Variants in QSOX2 observed in about 807,000 individuals in gnomAD.
The protein encoded by QSOX2 is quiescin sulfhydryl oxidase 2.
Under a neutral mutation model 61.7 loss-of-function variants are expected in QSOX2, and 46 were observed. The observed-to-expected ratio is 0.75, with a 90% CI of 0.59 to 0.95. The LOEUF (loss-of-function observed/expected upper bound fraction) is 0.95. Among genes scored for constraint, QSOX2 ranks in the 40% least tolerant of loss-of-function variants. The pLI is 0.00. For missense variants in QSOX2, 879 were observed against 918.9 expected, an observed-to-expected ratio of 0.96 and a Z score of 0.56; for synonymous variants, 383 against 388.4, an observed-to-expected ratio of 0.99 and a Z score of 0.16.
intron 3 of QSOX2, 96 bp from the exon 4 acceptor site, chr9:136,224,208 C>A: frequency 2.2e-6 from 2 of 918,978 alleles, no homozygotes; most frequent in South Asian, 1.5e-5. Flanking sequence ...AGCCTGGGGC[C>A]CAAAGACAGC....
intron 10 of QSOX2, among the ~76,000 whole-genome samples, chr9:136,214,636 A>AC (rs552247771): frequency 1.3e-3 from 204 of 151,808 alleles, no homozygotes; most frequent in African/African-American, 3.0e-3. Context: ...GCCTTGGGTG[A>AC]CCCCCCAGGC....
chr9:136,245,579 G>C lies in QSOX2; in HGVS notation c.225C>G (p.Thr75=). 1 of 1,577,486 alleles carries C rather than the reference G, an allele frequency of 6.3e-7. No individual in the cohort carries two copies. Among genetic ancestry groups the C allele is most frequent in the Admixed American group, 1.7e-5 (1 of 58,228 alleles). ...CGAGCCACGCGGCCGAGCTGTTGGC[G>C]GTGGCCCCGCGCACGCTGCCGCTGT... ...VLDSGSVRGA[T]ANSSAAWLVQ... is the part of the protein sequence containing the mutation. The change falls in exon 1 of 12, where the codon ACC becomes ACG. Residue 75 remains threonine, a synonymous_variant. Coordinates refer to ENST00000358701, the MANE Select transcript of QSOX2 (RefSeq NM_181701.4).
chr9:136,241,614 C>CTGAGTGA (rs1830433974), intron 1 of QSOX2, among the ~76,000 whole-genome samples: 1 of 152,222 alleles, frequency 6.6e-6, no homozygotes, highest in African/African-American at 2.4e-5. Context: ...ACCTGGACAC[C>CTGAGTGA]CATCCCGGCC....
Position 136,207,126 on chromosome 9 carries a change from A to C in QSOX2, c.*1602T>G, listed in dbSNP as rs1438688384. ...ACGCACCAGACACCGCTCCCACCAG[A>C]CACCTCTCCCGCCAGCTGCAGGGCC... On this transcript the variant is annotated 3_prime_UTR_variant, in exon 12 of 12. Transcript: ENST00000358701. 1 of 152,170 alleles carries C rather than the reference A, an allele frequency of 6.6e-6. No individual in the cohort carries two copies. Among genetic ancestry groups the C allele is most frequent in the African/African-American group, 2.4e-5 (1 of 41,362 alleles). 9.4% of individuals were successfully genotyped at this position (152,170 alleles called of 1,614,324 possible).
intron 1 of QSOX2, among the ~76,000 whole-genome samples, chr9:136,231,282 C>G (rs1450421515): frequency 6.6e-6 from 1 of 152,200 alleles, no homozygotes; most frequent in South Asian, 2.1e-4. Context: ...GACCAGAATA[C>G]GCCCCCATCC....
At chr9:136,228,485 A>G (rs1047683965) in intron 1 of QSOX2, among the ~76,000 whole-genome samples, 3 of 152,208 alleles carry the variant, frequency 2.0e-5, no homozygotes, top group African/African-American at 4.8e-5. Context: ...CAATTCACAA[A>G]TATTTCCTGG....
intron 2 of QSOX2, 128 bp downstream of exon 2, chr9:136,226,646 G>A: frequency 1.3e-6 from 1 of 785,730 alleles, no homozygotes; most frequent in South Asian, 1.4e-5. Flanking sequence ...CAAGGAGAGA[G>A]CCAGAGAAGC....
chr9:136,223,719 A>G lies in QSOX2; in HGVS notation c.675+44T>C. On this transcript the variant is annotated intron_variant, in intron 5 of 11. Transcript: ENST00000358701. The surrounding 1 kb of genome is among the most constrained non-coding windows in gnomAD (Gnocchi z 4.4). ...TCATCACAGATCCACCGCCAACCCC[A>G]ATCACACCACGTGTGACACCTGGAG... 1 of 1,506,456 alleles carries G rather than the reference A, an allele frequency of 6.6e-7. No homozygotes were observed. The highest frequency in any genetic ancestry group is 9.2e-7 in the Non-Finnish European group (1 of 1,086,360). 93.3% of individuals were successfully genotyped at this position (1,506,456 alleles called of 1,614,324 possible). A position where few individuals can be genotyped will look rare whatever the true frequency, so the allele number is the denominator to read the frequency against.
Position 136,222,581 on chromosome 9 carries a change from C to G in QSOX2, c.676-640G>C, listed in dbSNP as rs981548220. 2.0e-5 allele frequency among the ~76,000 whole-genome samples: 3 copies of G among 152,232 alleles called. No individual in the cohort carries two copies. The highest frequency in any genetic ancestry group is 4.4e-5 in the Non-Finnish European group (3 of 68,046). On this transcript the variant is annotated intron_variant, in intron 5 of 11. Coordinates refer to ENST00000358701, the MANE Select transcript of QSOX2 (RefSeq NM_181701.4). This position sits in a 1 kb window ranked among gnomAD's most constrained non-coding sequence, Gnocchi z 6.9. ...GTGTGAACTGGGCGCCCCGCGTGGC[C>G]GTGCCTCTCCTGAGCTGGGTGTGTC...
rs182453955 is a variant in QSOX2 at position 136,207,566 on chromosome 9, C to T, written c.*1162G>A. 3 of 152,450 alleles carry T rather than the reference C, an allele frequency of 2.0e-5. No individual in the cohort carries two copies. The East Asian group carries it at 5.6e-4, about 29-fold the overall frequency. The allele number at this position is 152,450 out of a possible 1,614,324, so 9.4% of individuals were successfully genotyped here. Reference sequence around the variant, plus strand: ...CCACTAAATGTTTTGGGTTTAAAAACAATGTTTAAAATTATCAAATGGTAA... The same window carrying T: ...CCACTAAATGTTTTGGGTTTAAAAATAATGTTTAAAATTATCAAATGGTAA... On this transcript the variant is annotated 3_prime_UTR_variant, in exon 12 of 12. Transcript: ENST00000358701.
At chr9:136,239,772 G>A (rs1039000754) in intron 1 of QSOX2, among the ~76,000 whole-genome samples, 1 of 152,230 alleles carries the variant, frequency 6.6e-6, no homozygotes, top group Non-Finnish European at 1.5e-5. Flanking sequence ...AGAATGCCAG[G>A]CCGTGTGCTC....
At chr9:136,230,166 C>A (rs1830317711) in intron 1 of QSOX2, among the ~76,000 whole-genome samples, 1 of 152,222 alleles carries the variant, frequency 6.6e-6, no homozygotes, top group Non-Finnish European at 1.5e-5. Context: ...GTAGTCCCAG[C>A]TACTTGGGAA....
At position 136,211,371 on chromosome 9, in the gene QSOX2, T is replaced by G; in HGVS notation, c.1442A>C (p.Glu481Ala). The change falls in exon 11 of 12, where the codon GAG (glutamate) becomes GCG (alanine). Residue 481 changes from glutamate (E) to alanine (A), a missense_variant. Transcript: ENST00000358701. ...TTCTTTAGCCATTTCCTCAAAGTGC[T>G]CACCACATTCCTTACACCCAAAGAA... ...HTFFGCKECG[E>A]HFEEMAKESM... 1 of 1,614,220 alleles carries G rather than the reference T, an allele frequency of 6.2e-7. No individual in the cohort carries two copies. The highest frequency in any genetic ancestry group is 2.2e-5 in the East Asian group (1 of 44,892).
rs1400616391 is a variant in QSOX2 at position 136,219,020 on chromosome 9, G to A, written c.956+10C>T. On this transcript the variant is annotated intron_variant, in intron 7 of 11. Coordinates refer to ENST00000358701, the MANE Select transcript of QSOX2 (RefSeq NM_181701.4). ...GTCTCCGGGGGCTTCAGTTCAAGAGGAACACTTGCTTGTCAAATTCTCTCC... is the reference window on the plus strand; with the variant it reads ...GTCTCCGGGGGCTTCAGTTCAAGAGAAACACTTGCTTGTCAAATTCTCTCC... 27 of 1,613,916 alleles carry A rather than the reference G, an allele frequency of 1.7e-5. No individual in the cohort carries two copies. The highest frequency in any genetic ancestry group is 2.3e-5 in the Non-Finnish European group (27 of 1,179,922).
In QSOX2 at chr9:136,235,925, G is replaced by A. The variant is rs548663823; in HGVS notation, c.329-9051C>T. 1.5e-4 allele frequency among the ~76,000 whole-genome samples: 23 copies of A among 152,326 alleles called. No individual in the cohort carries two copies. In the South Asian group the frequency reaches 3.3e-3, roughly 22 times the overall value. On this transcript the variant is annotated intron_variant, in intron 1 of 11. Transcript: ENST00000358701. Reference sequence around the variant, plus strand: ...AGCGACACTCTCTGGCCTCAGCTTCGGGAGGAACTGGGCTGTGGAGAGCAG... The same window carrying A: ...AGCGACACTCTCTGGCCTCAGCTTCAGGAGGAACTGGGCTGTGGAGAGCAG...
Position 136,207,359 on chromosome 9 carries a change from T to TACA in QSOX2, c.*1368_*1369insTGT, listed in dbSNP as rs1298343027. ...CTACAACCGTCAAAGTCTCTCTCTC[T>TACA]CTCATACACACACACACACACACAC... On this transcript the variant is annotated 3_prime_UTR_variant, in exon 12 of 12. Coordinates refer to ENST00000358701, the MANE Select transcript of QSOX2 (RefSeq NM_181701.4). 2.9e-5 allele frequency: 3 copies of TACA among 102,422 alleles called. No individual in the cohort carries two copies. The highest frequency in any genetic ancestry group is 1.2e-4 in the African/African-American group (3 of 24,234). 6.3% of individuals were successfully genotyped at this position (102,422 alleles called of 1,614,324 possible).
At chr9:136,218,064 C>G (rs1831934632) in intron 8 of QSOX2, among the ~76,000 whole-genome samples, 1 of 152,370 alleles carries the variant, frequency 6.6e-6, no homozygotes, top group South Asian at 2.1e-4. Context: ...TAACAAGCAA[C>G]CGAGCTCATG....
At chr9:136,240,429 C>T (rs561192016) in intron 1 of QSOX2, among the ~76,000 whole-genome samples, 1 of 152,264 alleles carries the variant, frequency 6.6e-6, no homozygotes, top group South Asian at 2.1e-4. Context: ...AAACAATCTC[C>T]CAAGTTGAAA....
At position 136,207,688 on chromosome 9, in the gene QSOX2, G is replaced by C. The variant is rs567969594; in HGVS notation, c.*1040C>G. ...GGAAGCCTGGCCCCCTCCGTGGGCC[G>C]AGTGAGATGCTTGTGTGTGCAGCAG... On this transcript the variant is annotated 3_prime_UTR_variant, in exon 12 of 12. Coordinates refer to ENST00000358701, the MANE Select transcript of QSOX2 (RefSeq NM_181701.4). The C allele has an allele frequency of 6.6e-6, 1 of 152,386 alleles. No individual in the cohort carries two copies. The highest frequency in any genetic ancestry group is 2.4e-5 in the African/African-American group (1 of 41,456). The allele number at this position is 152,386 out of a possible 1,614,324, so 9.4% of individuals were successfully genotyped here.
Sources: gnomAD v4.1 joint callset for allele counts (sites outside exome capture counted in the v4.1 genomes callset) on GRCh38, gnomAD v4.1.1 for gene constraint, Gnocchi (gnomAD v3.1) non-coding constraint, MANE v1.5 for transcripts, NCBI Gene and HGNC (gene_info 2026-07-23, HGNC 2026-07-21) for gene names.